The following CSMD1 variants were observed in gnomAD, a reference collection of about 807,000 sequenced individuals.
CSMD1 encodes CUB and sushi domain-containing protein 1.
A neutral mutation model predicts 417.5 loss-of-function variants in CSMD1; 213 were observed. The ratio of observed to expected loss-of-function variants is 0.51; its 90% confidence interval spans 0.46 to 0.57. CSMD1 has a LOEUF of 0.57. Ranked by LOEUF, CSMD1 falls within the 20% of genes least tolerant of loss-of-function variation. CSMD1 has a pLI of 0.00. For synonymous variants in CSMD1, 2,862 were observed against 1,736.8 expected (o/e 1.65, Z -16.11); for missense variants, 6,923 against 4,529.7 (o/e 1.53, Z -15.17).
rs530616945 is a variant in CSMD1 at position 3,178,506 on chromosome 8, C to G, written c.5725+2604G>C. 8.7e-4 allele frequency among the ~76,000 whole-genome samples: 133 copies of G among 152,186 alleles called. 1 individual carries two copies. Among genetic ancestry groups the G allele is most frequent in the African/African-American group, 3.2e-3 (131 of 41,514 alleles). ...GGTAGTCTGGATACCTCGCAAGGTGCTCAGTAAATGGTATTCGTAATAAAA... is the reference window on the plus strand; with the variant it reads ...GGTAGTCTGGATACCTCGCAAGGTGGTCAGTAAATGGTATTCGTAATAAAA... On this transcript the variant is annotated intron_variant, in intron 37 of 69. Transcript: ENST00000635120.
intron 2 of CSMD1, among the ~76,000 whole-genome samples, chr8:4,597,382 G>A (rs372994960): frequency 6.6e-6 from 1 of 152,150 alleles, no homozygotes; most frequent in Non-Finnish European, 1.5e-5. Context: ...TGTGAGGTAT[G>A]TTGACCTGAC....
At chr8:3,451,071 A>G (rs1023952050) in intron 12 of CSMD1, among the ~76,000 whole-genome samples, 8 of 152,154 alleles carry the variant, frequency 5.3e-5, no homozygotes, top group Non-Finnish European at 1.0e-4. Context: ...GCCAGTGATG[A>G]CGAGCATTTT....
At chr8:3,357,921 T>C (rs997493245) in intron 21 of CSMD1, among the ~76,000 whole-genome samples, 9 of 152,204 alleles carry the variant, frequency 5.9e-5, no homozygotes, top group Admixed American at 5.2e-4. Context: ...ATTTGATTCA[T>C]GTTTATTTGT....
rs78031273 is a variant in CSMD1, at chr8:4,039,832, G to C, written c.416-7733C>G. On this transcript the variant is annotated intron_variant, in intron 3 of 69. Coordinates refer to ENST00000635120, the MANE Select transcript of CSMD1 (RefSeq NM_033225.6). ...CAGTCATCAGATCTGGCATCAAATA[G>C]ATTTGGGTTTCTGCTCCAGAAAGTG... Among the ~76,000 whole-genome samples, 346 of 152,308 alleles carry C rather than the reference G, an allele frequency of 2.3e-3. 1 individual carries two copies. The highest frequency in any genetic ancestry group is 7.9e-3 in the African/African-American group (330 of 41,574).
chr8:4,505,564 ATTGGAATGGATTTCT>A (rs1192633537), intron 2 of CSMD1, among the ~76,000 whole-genome samples: 1 of 152,134 alleles, frequency 6.6e-6, no homozygotes, highest in Non-Finnish European at 1.5e-5. Context: ...AAATAATGCT[ATTGGAATGGATTTCT>A]TACTTAATAA....
chr8:3,514,827 C>T (rs779481737), intron 10 of CSMD1, among the ~76,000 whole-genome samples: 1 of 152,040 alleles, frequency 6.6e-6, no homozygotes, highest in Non-Finnish European at 1.5e-5. Context: ...ATTATTAACA[C>T]AAACAACATA....
intron 1 of CSMD1, among the ~76,000 whole-genome samples, chr8:4,778,412 G>C (rs988738336): frequency 1.3e-5 from 2 of 152,062 alleles, no homozygotes; most frequent in Admixed American, 6.6e-5. Context: ...TGATTCTAGA[G>C]CTCCGGTGGT....
At chr8:4,067,191 T>C (rs767051155) in intron 3 of CSMD1, among the ~76,000 whole-genome samples, 1 of 152,350 alleles carries the variant, frequency 6.6e-6, no homozygotes, top group East Asian at 1.9e-4. Context: ...CTATCCTCCG[T>C]CTTTGCATCT....
At chr8:3,954,073 T>G (rs1208215606) in intron 5 of CSMD1, among the ~76,000 whole-genome samples, 1 of 152,144 alleles carries the variant, frequency 6.6e-6, no homozygotes, top group East Asian at 1.9e-4. Context: ...GGACCCCGCC[T>G]CTAGGAAGCT....
chr8:3,697,607 T>G (rs2129035592), intron 7 of CSMD1, among the ~76,000 whole-genome samples: 1 of 152,300 alleles, frequency 6.6e-6, no homozygotes, highest in African/African-American at 2.4e-5. Context: ...CAGTTCCCCC[T>G]TCTGACTGCT....
At chr8:3,830,676 CAGAG>C (rs1197355450) in intron 5 of CSMD1, among the ~76,000 whole-genome samples, 1 of 152,048 alleles carries the variant, frequency 6.6e-6, no homozygotes, top group African/African-American at 2.4e-5. Context: ...ACTCAGAAAA[CAGAG>C]AGAAAAAAAA....
At chr8:3,792,322 G>GATA (rs909642861) in intron 5 of CSMD1, among the ~76,000 whole-genome samples, 14 of 152,104 alleles carry the variant, frequency 9.2e-5, no homozygotes, top group Admixed American at 3.3e-4. Flanking sequence ...CTTCCTGGGA[G>GATA]ATAATAATAA....
intron 48 of CSMD1, among the ~76,000 whole-genome samples, chr8:3,090,234 C>G (rs947670154): frequency 1.6e-4 from 23 of 145,346 alleles, no homozygotes; most frequent in South Asian, 6.6e-4. Context: ...GGAGAATGGC[C>G]TGAACCCGGG....
intron 7 of CSMD1, among the ~76,000 whole-genome samples, chr8:3,690,166 C>T (rs1198328025): frequency 6.6e-6 from 1 of 152,160 alleles, no homozygotes; most frequent in Non-Finnish European, 1.5e-5. Context: ...TGAGACCAGC[C>T]TGGGCAACAG....
At chr8:4,433,486 G>A (rs1281527179) in intron 2 of CSMD1, among the ~76,000 whole-genome samples, 2 of 152,148 alleles carry the variant, frequency 1.3e-5, no homozygotes, top group African/African-American at 2.4e-5. Flanking sequence ...TGCAAGCGCG[G>A]CCAAGTGTTT....
chr8:4,657,466 C>A (rs766536330), intron 1 of CSMD1, among the ~76,000 whole-genome samples: 3 of 152,090 alleles, frequency 2.0e-5, no homozygotes, highest in Non-Finnish European at 4.4e-5. Context: ...TCATGGAAAT[C>A]TCTGTCAAAA....
At chr8:4,728,652 A>T (rs756066157) in intron 1 of CSMD1, among the ~76,000 whole-genome samples, 1 of 152,192 alleles carries the variant, frequency 6.6e-6, no homozygotes, top group Non-Finnish European at 1.5e-5. Context: ...AGAGAATCTT[A>T]ACTAGTTAAT....
chr8:4,257,221 A>G (rs905713015), intron 3 of CSMD1, among the ~76,000 whole-genome samples: 4 of 152,172 alleles, frequency 2.6e-5, no homozygotes, highest in Non-Finnish European at 5.9e-5. Context: ...TTATTGAAAG[A>G]GACTAATACT....
At chr8:4,797,707 A>C (rs1271654954) in intron 1 of CSMD1, among the ~76,000 whole-genome samples, 1 of 152,218 alleles carries the variant, frequency 6.6e-6, no homozygotes, top group East Asian at 1.9e-4. Context: ...CAAGCAACAA[A>C]GATACCTCCT....
Sources: allele counts gnomAD v4.1 joint callset (sites outside exome capture counted in the v4.1 genomes callset), GRCh38; gene constraint gnomAD v4.1.1; transcripts MANE v1.5; gene names NCBI Gene and HGNC (gene_info 2026-07-23, HGNC 2026-07-21).